NCAM2: variants seen among roughly 807,000 people sequenced by gnomAD.
The protein encoded by NCAM2 is neural cell adhesion molecule 2.
In NCAM2, 30 loss-of-function variants were observed where a neutral mutation model predicts 98.1. The observed-to-expected ratio is 0.31, with a 90% CI of 0.23 to 0.41. NCAM2 has a LOEUF of 0.41. Ranked by LOEUF, NCAM2 falls within the 10% of genes least tolerant of loss-of-function variation. The pLI is 1.00. For synonymous variants in NCAM2, 368 were observed against 342.4 expected, an observed-to-expected ratio of 1.07 and a Z score of -0.83; for missense variants, 867 against 1,005.8, an observed-to-expected ratio of 0.86 and a Z score of 1.87.
chr21:21,229,281 T>C (rs1056127083), intron 1 of NCAM2, among the ~76,000 whole-genome samples: 18 of 151,740 alleles, frequency 1.2e-4, no homozygotes, highest in Non-Finnish European at 2.2e-4. Flanking sequence ...TTGCTTGCAA[T>C]AGAGACTAGT....
intron 1 of NCAM2, among the ~76,000 whole-genome samples, chr21:21,223,945 A>G (rs1437997585): frequency 1.3e-5 from 2 of 152,142 alleles, no homozygotes; most frequent in East Asian, 3.9e-4. Flanking sequence ...GGCCTGAAAG[A>G]TAGCCCATAT....
chr21:21,030,007 A>G (rs1213758669), intron 1 of NCAM2, among the ~76,000 whole-genome samples: 1 of 152,202 alleles, frequency 6.6e-6, no homozygotes. Context: ...TTAATTAAAT[A>G]TGTTGAAATC....
intron 1 of NCAM2, among the ~76,000 whole-genome samples, chr21:21,125,607 A>T (rs2066798042): frequency 7.4e-6 from 1 of 135,648 alleles, no homozygotes; most frequent in African/African-American, 2.7e-5. Context: ...AAATATATAA[A>T]TATATAATAT....
At chr21:21,142,757 G>C (rs1337158984) in intron 1 of NCAM2, among the ~76,000 whole-genome samples, 1 of 152,078 alleles carries the variant, frequency 6.6e-6, no homozygotes, top group Non-Finnish European at 1.5e-5. Context: ...ATATAATAAA[G>C]TTGTATATTA....
intron 15 of NCAM2, among the ~76,000 whole-genome samples, chr21:21,485,607 C>A (rs1282144693): frequency 6.6e-6 from 1 of 152,166 alleles, no homozygotes; most frequent in Non-Finnish European, 1.5e-5. Flanking sequence ...GTAATCTTTA[C>A]CTAAGTAATT....
intron 4 of NCAM2, among the ~76,000 whole-genome samples, chr21:21,287,606 T>TA (rs560288293): frequency 3.4e-4 from 51 of 152,082 alleles, no homozygotes; most frequent in Non-Finnish European, 5.9e-4. Context: ...TGTCTAATCT[T>TA]ACACCTCAAG....
At chr21:21,360,686 T>C (rs1266208945) in intron 8 of NCAM2, among the ~76,000 whole-genome samples, 3 of 151,986 alleles carry the variant, frequency 2.0e-5, no homozygotes, top group East Asian at 3.8e-4. Flanking sequence ...CAGTCTTTTT[T>C]TTTTCGCTTA....
chr21:21,472,708 T>A (rs1984601447), intron 14 of NCAM2, among the ~76,000 whole-genome samples: 1 of 151,796 alleles, frequency 6.6e-6, no homozygotes, highest in Non-Finnish European at 1.5e-5. Context: ...AAAAATGCAC[T>A]GCCAATGTTT....
chr21:21,280,668 A>C lies in NCAM2; in HGVS notation c.130+16A>C. The C allele has an allele frequency of 6.8e-7, 1 of 1,465,554 alleles. No individual in the cohort carries two copies. The highest frequency in any genetic ancestry group is 1.3e-5 in the South Asian group (1 of 78,256). The allele number at this position is 1,465,554 out of a possible 1,614,324, so 90.8% of individuals were successfully genotyped here. ...ACATGTACAGGTACGTATTTCTGTA[A>C]ATACCTTCAGATAACGTGGTTTCTG... On this transcript the variant is annotated intron_variant, in intron 2 of 17. Transcript: ENST00000400546.
intron 12 of NCAM2, among the ~76,000 whole-genome samples, chr21:21,461,210 T>C (rs750312541): frequency 1.3e-5 from 2 of 151,902 alleles, no homozygotes; most frequent in Non-Finnish European, 2.9e-5. Context: ...TACTAAGAAG[T>C]ATTATATTTG....
intron 9 of NCAM2, among the ~76,000 whole-genome samples, chr21:21,383,373 A>G (rs2076200186): frequency 6.6e-6 from 1 of 152,096 alleles, no homozygotes; most frequent in South Asian, 2.1e-4. Context: ...CCTAGCTGAG[A>G]TTACCCTCAC....
At chr21:21,110,233 T>A (rs990136039) in intron 1 of NCAM2, among the ~76,000 whole-genome samples, 2 of 152,202 alleles carry the variant, frequency 1.3e-5, no homozygotes, top group Admixed American at 6.5e-5. Flanking sequence ...GTAGTTTATA[T>A]AAGAGTGTCA....
chr21:21,109,362 A>G (rs1284095453), intron 1 of NCAM2, among the ~76,000 whole-genome samples: 1 of 152,170 alleles, frequency 6.6e-6, no homozygotes, highest in African/African-American at 2.4e-5. Context: ...AAATCCATGA[A>G]TTAGCTTTCA....
chr21:21,003,863 A>G (rs1019549855), intron 1 of NCAM2, among the ~76,000 whole-genome samples: 1 of 152,142 alleles, frequency 6.6e-6, no homozygotes, highest in African/African-American at 2.4e-5. Flanking sequence ...TGTGAAGAAC[A>G]ACTCCAGGGG....
At chr21:21,380,373 C>T (rs1257318001) in intron 9 of NCAM2, among the ~76,000 whole-genome samples, 1 of 152,104 alleles carries the variant, frequency 6.6e-6, no homozygotes, top group Middle Eastern at 3.2e-3. Flanking sequence ...AACATTTATA[C>T]TTTGTGTGTT....
intron 16 of NCAM2, among the ~76,000 whole-genome samples, chr21:21,519,493 C>T (rs1052671504): frequency 6.6e-6 from 1 of 151,686 alleles, no homozygotes; most frequent in African/African-American, 2.4e-5. Context: ...TCAAAATGTA[C>T]CTTCATGATG....
chr21:21,119,657 A>T (rs1480819618), intron 1 of NCAM2, among the ~76,000 whole-genome samples: 1 of 152,168 alleles, frequency 6.6e-6, no homozygotes, highest in African/African-American at 2.4e-5. Context: ...AGATTTCTTA[A>T]GGAGCTTTAA....
At chr21:21,211,579 GAA>G (rs2069660776) in intron 1 of NCAM2, among the ~76,000 whole-genome samples, 1 of 152,052 alleles carries the variant, frequency 6.6e-6, no homozygotes, top group South Asian at 2.1e-4. Context: ...CTGAAATATG[GAA>G]TACATGCTGC....
At chr21:21,281,400 T>C (rs1161926213) in intron 2 of NCAM2, among the ~76,000 whole-genome samples, 1 of 152,166 alleles carries the variant, frequency 6.6e-6, no homozygotes, top group Non-Finnish European at 1.5e-5. Context: ...CAAAAATTTA[T>C]TCTAATATTC....
Sources: allele counts gnomAD v4.1 joint callset (sites outside exome capture counted in the v4.1 genomes callset), GRCh38; gene constraint gnomAD v4.1.1; transcripts MANE v1.5; gene names NCBI Gene and HGNC (gene_info 2026-07-23, HGNC 2026-07-21).